Variants in ERCC1 observed in about 807,000 individuals in gnomAD.
ERCC1 encodes the protein DNA excision repair protein ERCC-1.
A neutral mutation model predicts 37.6 loss-of-function variants in ERCC1; 36 were observed. That is an observed-to-expected ratio of 0.96 (90% CI 0.73 to 1.26). The LOEUF (loss-of-function observed/expected upper bound fraction) is 1.26. Ranked by LOEUF, ERCC1 falls within the 50% of genes most tolerant of loss-of-function variation. The pLI, the probability that ERCC1 is intolerant of heterozygous loss-of-function variation, is 0.00. For missense variants in ERCC1, 349 were observed against 376.5 expected (o/e 0.93, Z 0.60); for synonymous variants, 156 against 162.1 (o/e 0.96, Z 0.28).
chr19:45,410,394 AGGCT>A (rs1973643692), intron 9 of ERCC1: 1 of 152,182 alleles, frequency 6.6e-6, no homozygotes, highest in Non-Finnish European at 1.5e-5. Context: ...CATATTGGCC[AGGCT>A]GGTCTCGAAC....
chr19:45,450,248 T>C (rs1555792964), intron 1 of ERCC1, among the ~76,000 whole-genome samples: 1 of 150,940 alleles, frequency 6.6e-6, no homozygotes, highest in Non-Finnish European at 1.5e-5. Flanking sequence ...AGCATGCCTA[T>C]GCACACGTGC....
At chr19:45,413,104 G>A (rs1599811514) in intron 9 of ERCC1, among the ~76,000 whole-genome samples, 1 of 152,218 alleles carries the variant, frequency 6.6e-6, no homozygotes. Flanking sequence ...TATGCTTATA[G>A]GGCATTACTC....
chr19:45,433,456 G>A (rs1397281315), intron 1 of ERCC1, among the ~76,000 whole-genome samples: 2 of 152,082 alleles, frequency 1.3e-5, no homozygotes, highest in Admixed American at 6.6e-5. Context: ...AACCTGGGAG[G>A]TGGAGGTTGC....
chr19:45,426,396 A>T (rs1397519574), upstream of ERCC1, among the ~76,000 whole-genome samples: 1 of 148,492 alleles, frequency 6.7e-6, no homozygotes, highest in Non-Finnish European at 1.5e-5. Flanking sequence ...AAAAAAAAAA[A>T]AAAAATTAGC....
At chr19:45,440,406 G>T (rs1195918125) in intron 1 of ERCC1, among the ~76,000 whole-genome samples, 1 of 152,150 alleles carries the variant, frequency 6.6e-6, no homozygotes, top group Non-Finnish European at 1.5e-5. Flanking sequence ...AGAGCAGGGC[G>T]AGAGGATCAC....
intron 1 of ERCC1, among the ~76,000 whole-genome samples, chr19:45,442,544 C>G (rs1975149465): frequency 1.3e-5 from 2 of 152,170 alleles, no homozygotes; most frequent in Middle Eastern, 3.4e-3. Context: ...TAGGCCAGAC[C>G]CCATTGCTAT....
intron 1 of ERCC1, among the ~76,000 whole-genome samples, chr19:45,434,543 C>A (rs867661107): frequency 6.6e-6 from 1 of 152,024 alleles, no homozygotes; most frequent in Non-Finnish European, 1.5e-5. Flanking sequence ...GCCTTCCAAT[C>A]GTTGCATCTC....
intron 1 of ERCC1, among the ~76,000 whole-genome samples, chr19:45,443,748 C>T (rs1248584277): frequency 6.6e-6 from 1 of 152,008 alleles, no homozygotes; most frequent in Admixed American, 6.5e-5. Context: ...GTGGCAGGGG[C>T]TCCCCCTCTT....
At chr19:45,442,036 G>A (rs530682572) in intron 1 of ERCC1, among the ~76,000 whole-genome samples, 5 of 151,604 alleles carry the variant, frequency 3.3e-5, no homozygotes, top group South Asian at 2.1e-4. Context: ...GGCCAGGTGC[G>A]GTGGCTCATG....
Position 45,409,594 on chromosome 19 carries a change from T to C in ERCC1, c.*81A>G. Reference sequence around the variant, plus strand: ...ACCCCCAGAATCCCTCCCCAGAGACTGCACCAGCGCAGCCAGCAGGAGCCT... The same window carrying C: ...ACCCCCAGAATCCCTCCCCAGAGACCGCACCAGCGCAGCCAGCAGGAGCCT... On this transcript the variant is annotated 3_prime_UTR_variant, in exon 10 of 10. Coordinates refer to ENST00000300853, the MANE Select transcript of ERCC1 (RefSeq NM_001983.4). 6.3e-7 allele frequency: 1 copy of C among 1,579,606 alleles called. No homozygotes were observed. Among genetic ancestry groups the C allele is most frequent in the African/African-American group, 1.3e-5 (1 of 74,466 alleles).
intron 1 of ERCC1, among the ~76,000 whole-genome samples, chr19:45,445,698 G>C (rs73564985): frequency 6.6e-6 from 1 of 152,114 alleles, no homozygotes; most frequent in African/African-American, 2.4e-5. Flanking sequence ...GAGGAACACG[G>C]AGGCAGCTAG....
At chr19:45,451,013 G>C (rs1967105013) in intron 1 of ERCC1, among the ~76,000 whole-genome samples, 2 of 150,634 alleles carry the variant, frequency 1.3e-5, no homozygotes, top group South Asian at 4.2e-4. Context: ...GGCGCAGCCA[G>C]GACCGGCCCG....
rs1182433014 is a variant in ERCC1 at position 45,407,985 on chromosome 19, T to C, written c.*1690A>G. 6.9e-6 allele frequency: 7 copies of C among 1,020,342 alleles called. No individual in the cohort carries two copies. In the Admixed American group the frequency reaches 1.3e-4, roughly 19 times the overall value. 63.2% of individuals were successfully genotyped at this position (1,020,342 alleles called of 1,614,324 possible). A position where few individuals can be genotyped will look rare whatever the true frequency, so the allele number is the denominator to read the frequency against. On this transcript the variant is annotated 3_prime_UTR_variant, in exon 10 of 10. Transcript: ENST00000300853. ...AGGAGAATCGCTTGAACCCAGGAGG[T>C]GGACATTGCAGTGAGCCGAGATCAT... is the stretch of plus-strand genomic sequence containing the variant.
intron 5 of ERCC1, among the ~76,000 whole-genome samples, chr19:45,417,547 C>T (rs113233703): frequency 8.0e-4 from 122 of 152,028 alleles, no homozygotes; most frequent in African/African-American, 2.6e-3. Context: ...TCGCTCCCTA[C>T]GGGAGAGAGG....
At chr19:45,438,738 G>T (rs896194775) in intron 1 of ERCC1, among the ~76,000 whole-genome samples, 26 of 151,784 alleles carry the variant, frequency 1.7e-4, no homozygotes, top group African/African-American at 5.3e-4. Context: ...GCCTCCCTGG[G>T]TCCAGCAATT....
intron 1 of ERCC1, among the ~76,000 whole-genome samples, chr19:45,444,421 C>A (rs1044197145): frequency 6.6e-5 from 10 of 151,764 alleles, no homozygotes; most frequent in Admixed American, 6.6e-4. Flanking sequence ...CAGTTTGCTG[C>A]GGCAAAACAC....
At position 45,409,526 on chromosome 19, in the gene ERCC1, T is replaced by TA. The variant is rs750900979; in HGVS notation, c.*148dup. On this transcript the variant is annotated 3_prime_UTR_variant, in exon 10 of 10. Coordinates refer to ENST00000300853, the MANE Select transcript of ERCC1 (RefSeq NM_001983.4). The stretch of plus-strand genomic sequence containing the variant: ...GTCTGCCCCCGGGAAACTGAGGAAC[T>TA]AAAGAAAGCTGAAGGTGCCCACCTG... 1 of 1,584,994 alleles carries TA rather than the reference T, an allele frequency of 6.3e-7. No individual in the cohort carries two copies. The highest frequency in any genetic ancestry group is 8.6e-7 in the Non-Finnish European group (1 of 1,166,430).
intron 1 of ERCC1, among the ~76,000 whole-genome samples, chr19:45,430,235 T>C (rs11882642): frequency 0.54 from 82,449 of 152,122 alleles, 26,021 homozygotes; most frequent in African/African-American, 0.86. Flanking sequence ...TAAAAGGTGC[T>C]GGTGATAAAA....
intron 1 of ERCC1, among the ~76,000 whole-genome samples, chr19:45,450,992 C>T (rs1320324716): frequency 6.0e-5 from 9 of 150,094 alleles, no homozygotes; most frequent in African/African-American, 2.4e-5. Context: ...CTGGGTGGCG[C>T]GGCCGCACAG....
Sources: allele counts gnomAD v4.1 joint callset (sites outside exome capture counted in the v4.1 genomes callset), GRCh38; gene constraint gnomAD v4.1.1; transcripts MANE v1.5; gene names NCBI Gene and HGNC (gene_info 2026-07-23, HGNC 2026-07-21).